The following ICA1 variants were observed in gnomAD, a reference collection of about 807,000 sequenced individuals.
ICA1 encodes 69 kDa islet cell autoantigen.
In ICA1, 40 loss-of-function variants were observed where a neutral mutation model predicts 71.0. The observed-to-expected ratio is 0.56, with a 90% CI of 0.44 to 0.73. The LOEUF is 0.73. Ranked by LOEUF, ICA1 falls within the 30% of genes least tolerant of loss-of-function variation. The pLI is 0.00. For missense variants in ICA1, 578 were observed against 576.5 expected (o/e 1.00, Z -0.03); for synonymous variants, 207 against 209.5 (o/e 0.99, Z 0.10).
At chr7:8,146,337 T>C (rs1339941396) in intron 8 of ICA1, among the ~76,000 whole-genome samples, 1 of 152,102 alleles carries the variant, frequency 6.6e-6, no homozygotes, top group Non-Finnish European at 1.5e-5. Context: ...TCCGAGTCAA[T>C]GGCTCAAAGG....
intron 13 of ICA1, chr7:8,114,817 T>A (rs1199872147): frequency 1.3e-5 from 2 of 152,228 alleles, no homozygotes; most frequent in African/African-American, 4.8e-5. Flanking sequence ...ACATAAATCA[T>A]TCCACATGAG....
At chr7:8,212,451 G>C (rs1794108595) in intron 6 of ICA1, among the ~76,000 whole-genome samples, 2 of 151,540 alleles carry the variant, frequency 1.3e-5, no homozygotes, top group African/African-American at 4.9e-5. Context: ...TGTAATTCCG[G>C]CTACTCAGGA....
chr7:8,224,245 C>G (rs73677010), intron 4 of ICA1, among the ~76,000 whole-genome samples: 1 of 152,066 alleles, frequency 6.6e-6, no homozygotes, highest in Admixed American at 6.6e-5. Flanking sequence ...TTCTGAATGA[C>G]GATAGCCTTG....
At chr7:8,126,577 CTT>C (rs1325456937) in intron 13 of ICA1, among the ~76,000 whole-genome samples, 4 of 151,804 alleles carry the variant, frequency 2.6e-5, no homozygotes, top group Non-Finnish European at 1.5e-5. Context: ...CCCACCAACT[CTT>C]GTGTCCATGA....
chr7:8,149,167 A>C (rs1317678173), intron 8 of ICA1, among the ~76,000 whole-genome samples: 2 of 152,172 alleles, frequency 1.3e-5, no homozygotes, highest in African/African-American at 4.8e-5. Flanking sequence ...CATTATTTCC[A>C]ATTACCAGCT....
At chr7:8,164,485 G>A (rs753665708) in intron 6 of ICA1, among the ~76,000 whole-genome samples, 8 of 152,020 alleles carry the variant, frequency 5.3e-5, no homozygotes, top group Non-Finnish European at 1.2e-4. Flanking sequence ...TGACTCCTCT[G>A]TACCTGACTA....
intron 6 of ICA1, among the ~76,000 whole-genome samples, chr7:8,215,458 T>G (rs923694300): frequency 6.6e-6 from 1 of 151,912 alleles, no homozygotes; most frequent in Admixed American, 6.6e-5. Context: ...GACACTACTG[T>G]TCACCATGCG....
intron 6 of ICA1, among the ~76,000 whole-genome samples, chr7:8,181,651 G>A (rs1157520919): frequency 5.3e-5 from 8 of 152,080 alleles, no homozygotes; most frequent in Non-Finnish European, 1.2e-4. Context: ...CCTAAGCAAT[G>A]TTTTGCAGTT....
At chr7:8,141,250 A>G (rs139006513) in intron 10 of ICA1, among the ~76,000 whole-genome samples, 1 of 152,168 alleles carries the variant, frequency 6.6e-6, no homozygotes, top group Admixed American at 6.5e-5. Flanking sequence ...CTCCTAACAC[A>G]TCAGGTTCAG....
rs377160028 is a variant in ICA1 at position 8,175,057 on chromosome 7, G to A, written c.580-16405C>T. Among the ~76,000 whole-genome samples the A allele has an allele frequency of 2.6e-5, 4 of 152,266 alleles. No homozygotes were observed. In the South Asian group the frequency reaches 8.3e-4, roughly 32 times the overall value. ...CAAAAGAGAGAAAGGATCATCTCAT[G>A]TGCTTGTCAGGTTCAGCACTTGAGG... On this transcript the variant is annotated intron_variant, in intron 6 of 13. Coordinates refer to ENST00000402384, the MANE Select transcript of ICA1 (RefSeq NM_001136020.3).
Position 8,206,462 on chromosome 7 carries a change from C to G in ICA1, c.579+11843G>C, listed in dbSNP as rs115954837. Among the ~76,000 whole-genome samples, 655 of 152,298 alleles carry G rather than the reference C, an allele frequency of 4.3e-3. 4 individuals are homozygous for G. Among genetic ancestry groups the G allele is most frequent in the African/African-American group, 0.015 (610 of 41,562 alleles). Reference sequence around the variant, plus strand: ...AAAACAAACCATTTAAAAACCCTCCCCATTTTTGCCAATTTAAGAAACTTT... The same window carrying G: ...AAAACAAACCATTTAAAAACCCTCCGCATTTTTGCCAATTTAAGAAACTTT... On this transcript the variant is annotated intron_variant, in intron 6 of 13. Transcript: ENST00000402384.
chr7:8,235,971 G>C lies in ICA1; in HGVS notation c.-45C>G. On this transcript the variant is annotated 5_prime_UTR_variant, in exon 2 of 14. Coordinates refer to ENST00000402384, the MANE Select transcript of ICA1 (RefSeq NM_001136020.3). ...GTTGATGATTTGGGGAGAAGGGGCA[G>C]GAAAAAAGCATGAGAGGATAAGTTA... The C allele has an allele frequency of 6.3e-7, 1 of 1,594,440 alleles. No homozygotes were observed. The highest frequency in any genetic ancestry group is 8.6e-7 in the Non-Finnish European group (1 of 1,167,204).
chr7:8,224,259 C>A (rs1228095934), intron 4 of ICA1, among the ~76,000 whole-genome samples: 9 of 152,056 alleles, frequency 5.9e-5, no homozygotes, highest in African/African-American at 1.7e-4. Flanking sequence ...AGCCTTGGGA[C>A]TATGAGAGCA....
intron 1 of ICA1, among the ~76,000 whole-genome samples, chr7:8,245,987 A>C (rs1805850715): frequency 6.6e-6 from 1 of 152,192 alleles, no homozygotes; most frequent in Non-Finnish European, 1.5e-5. Context: ...AAATTGAATA[A>C]AGTCTATGAT....
chr7:8,144,031 A>G lies in ICA1; in HGVS notation c.805-59T>C. On this transcript the variant is annotated intron_variant, in intron 8 of 13. Coordinates refer to ENST00000402384, the MANE Select transcript of ICA1 (RefSeq NM_001136020.3). This position sits in a 1 kb window ranked among gnomAD's most constrained non-coding sequence, Gnocchi z 4.5. ...AAAAAAAGAAGAAGAAATAGAGACA[A>G]AAAAAAGAAAAGAAAGGTTATCAAT... The G allele has an allele frequency of 2.0e-6, 2 of 977,720 alleles. No individual in the cohort carries two copies. Among genetic ancestry groups the G allele is most frequent in the Non-Finnish European group, 3.1e-6 (2 of 646,500 alleles). 60.6% of individuals were successfully genotyped at this position (977,720 alleles called of 1,614,324 possible).
At chr7:8,219,020 G>A (rs1310353755) in intron 5 of ICA1, 1 of 175,878 alleles carries the variant, frequency 5.7e-6, no homozygotes, top group African/African-American at 2.4e-5. Context: ...TAGGAAGGGG[G>A]ACCAGCACAT....
At chr7:8,131,791 C>T (rs1187707947) in intron 12 of ICA1, among the ~76,000 whole-genome samples, 1 of 152,192 alleles carries the variant, frequency 6.6e-6, no homozygotes, top group Admixed American at 6.5e-5. Context: ...TCAGTTGGCT[C>T]TTGAGAATCA....
intron 3 of ICA1, among the ~76,000 whole-genome samples, chr7:8,228,964 T>A (rs1799457004): frequency 6.6e-6 from 1 of 152,148 alleles, no homozygotes; most frequent in Admixed American, 6.6e-5. Flanking sequence ...AAAACAGACA[T>A]CCTAAGTGAA....
chr7:8,221,170 G>C (rs1796936972), intron 5 of ICA1, 105 bp downstream of exon 5: 1 of 1,439,862 alleles, frequency 6.9e-7, no homozygotes, highest in Non-Finnish European at 9.7e-7. Context: ...CTCAGCCTCA[G>C]GCAAAATCCT....
Sources: allele counts gnomAD v4.1 joint callset (sites outside exome capture counted in the v4.1 genomes callset), GRCh38; gene constraint gnomAD v4.1.1; non-coding constraint Gnocchi (gnomAD v3.1); transcripts MANE v1.5; gene names NCBI Gene and HGNC (gene_info 2026-07-23, HGNC 2026-07-21).